Variants in CHST3 observed in about 807,000 individuals in gnomAD.
CHST3 encodes the protein carbohydrate sulfotransferase 3, also known as C6ST-1.
CHST3 carries 20 observed loss-of-function variants against 35.4 expected under a neutral mutation model. The observed-to-expected ratio is 0.57, with a 90% CI of 0.40 to 0.82. The LOEUF (loss-of-function observed/expected upper bound fraction) is 0.82. Ranked by LOEUF, CHST3 falls within the 40% of genes least tolerant of loss-of-function variation. CHST3 has a pLI of 0.00. For missense variants in CHST3, 693 were observed against 670.1 expected (o/e 1.03, Z -0.38); for synonymous variants, 334 against 295.9 (o/e 1.13, Z -1.32).
At chr10:71,965,596 G>A (rs1839624911) in intron 1 of CHST3, among the ~76,000 whole-genome samples, 3 of 152,224 alleles carry the variant, frequency 2.0e-5, no homozygotes, top group Admixed American at 1.3e-4. Context: ...TGCACCTGAA[G>A]TTGTGTTTGG....
chr10:72,005,785 C>T lies in CHST3; in HGVS notation c.-58C>T, dbSNP rs898466944. On this transcript the variant is annotated 5_prime_UTR_variant, in exon 2 of 3. Transcript: ENST00000373115. ...ACGGCAAGCTGGGTCCTGAGTGATG[C>T]CCCTCAGCTGAGTGTCCAAGGCTGG... is the stretch of plus-strand genomic sequence containing the variant. 3.0e-5 allele frequency: 48 copies of T among 1,609,410 alleles called. No homozygotes were observed. Among genetic ancestry groups the T allele is most frequent in the Non-Finnish European group, 3.8e-5 (45 of 1,176,484 alleles).
At chr10:71,969,099 G>T (rs1839662369) in intron 1 of CHST3, among the ~76,000 whole-genome samples, 1 of 152,168 alleles carries the variant, frequency 6.6e-6, no homozygotes, top group South Asian at 2.1e-4. Context: ...CCTGCCACGT[G>T]TTCTGGAGAG....
intron 1 of CHST3, among the ~76,000 whole-genome samples, chr10:71,970,189 G>A (rs1184608616): frequency 2.0e-5 from 3 of 152,082 alleles, no homozygotes; most frequent in Admixed American, 2.0e-4. Flanking sequence ...GGTGGGCCCC[G>A]GGAGCCCCTG....
chr10:72,005,712 T>A, intron 1 of CHST3, 24 bp from the exon 2 acceptor site: 1 of 1,128,050 alleles, frequency 8.9e-7, no homozygotes. Flanking sequence ...GACAAGGGTG[T>A]TCTGACCACC....
intron 1 of CHST3, among the ~76,000 whole-genome samples, chr10:71,997,879 G>C (rs571240521): frequency 1.3e-5 from 2 of 152,164 alleles, no homozygotes; most frequent in South Asian, 4.2e-4. Context: ...TGTTGGCCAG[G>C]CTGGTCTTGA....
intron 1 of CHST3, among the ~76,000 whole-genome samples, chr10:71,967,723 AC>A (rs1839645520): frequency 6.6e-6 from 1 of 152,190 alleles, no homozygotes; most frequent in Non-Finnish European, 1.5e-5. Context: ...TGGTAATCCT[AC>A]TTTGAGTTCT....
intron 1 of CHST3, among the ~76,000 whole-genome samples, chr10:71,986,121 G>A (rs1839845133): frequency 6.6e-6 from 1 of 152,184 alleles, no homozygotes; most frequent in African/African-American, 2.4e-5. Context: ...TCCCTCCCTG[G>A]TTAGCAAGAG....
intron 1 of CHST3, among the ~76,000 whole-genome samples, chr10:71,986,837 C>T (rs941489401): frequency 2.6e-4 from 40 of 152,236 alleles, no homozygotes; most frequent in African/African-American, 6.8e-4. Context: ...TAGACGGGCT[C>T]TGGCTGACAT....
Position 72,008,218 on chromosome 10 carries a change from A to G in CHST3, c.1187A>G (p.Gln396Arg), listed in dbSNP as rs905033055. The change falls in exon 3 of 3, where the codon CAG becomes CGG. Residue 396 changes from glutamine (Q) to arginine (R), a missense_variant. Coordinates refer to ENST00000373115, the MANE Select transcript of CHST3 (RefSeq NM_004273.5). ...TTCGCCGGCATCCCCCTGACCCCGC[A>G]GGTGGAAGACTGGATCCAAAAGAAC... ...YRFAGIPLTPQVEDWIQKNTQ... is the reference protein window; with the variant it reads ...YRFAGIPLTPRVEDWIQKNTQ... The G allele has an allele frequency of 3.2e-6, 5 of 1,556,116 alleles. No individual in the cohort carries two copies. The Admixed American group carries it at 7.7e-5, about 24-fold the overall frequency.
At chr10:71,998,984 C>G (rs1839967021) in intron 1 of CHST3, among the ~76,000 whole-genome samples, 1 of 152,168 alleles carries the variant, frequency 6.6e-6, no homozygotes, top group Admixed American at 6.5e-5. Flanking sequence ...TTCTTTTGCT[C>G]ACTGACTCAT....
rs1156542235 is a variant in CHST3 at position 72,008,995 on chromosome 10, C to T, written c.*524C>T. 1 of 155,882 alleles carries T rather than the reference C, an allele frequency of 6.4e-6. No individual in the cohort carries two copies. Among genetic ancestry groups the T allele is most frequent in the African/African-American group, 2.4e-5 (1 of 41,546 alleles). The allele number at this position is 155,882 out of a possible 1,614,324, so 9.7% of individuals were successfully genotyped here. A position where few individuals can be genotyped will look rare whatever the true frequency, so the allele number is the denominator to read the frequency against. ...CGTTTGAGGTGACAGTGGCTGTTTA[C>T]CAACTAGTACAGAGCGATTCAGCGT... is the stretch of plus-strand genomic sequence containing the variant. On this transcript the variant is annotated 3_prime_UTR_variant, in exon 3 of 3. Coordinates refer to ENST00000373115, the MANE Select transcript of CHST3 (RefSeq NM_004273.5).
At chr10:71,965,384 CAG>C (rs1253295215) in intron 1 of CHST3, among the ~76,000 whole-genome samples, 2 of 152,330 alleles carry the variant, frequency 1.3e-5, no homozygotes, top group East Asian at 3.9e-4. Flanking sequence ...CTGCGCTAGA[CAG>C]AAGGGTAGTG....
At chr10:72,003,487 G>A (rs573567009) in intron 1 of CHST3, among the ~76,000 whole-genome samples, 1 of 152,218 alleles carries the variant, frequency 6.6e-6, no homozygotes, top group South Asian at 2.1e-4. Context: ...ATCACCTGAG[G>A]TCAGGAGTTC....
intron 1 of CHST3, among the ~76,000 whole-genome samples, chr10:71,985,615 A>G (rs185047389): frequency 6.6e-6 from 1 of 152,280 alleles, no homozygotes; most frequent in East Asian, 1.9e-4. Context: ...TCCAACTTGC[A>G]AAGATCTCTT....
chr10:72,000,184 A>T (rs895118637), intron 1 of CHST3, among the ~76,000 whole-genome samples: 1 of 152,208 alleles, frequency 6.6e-6, no homozygotes, highest in Admixed American at 6.5e-5. Flanking sequence ...ACGATTAAGC[A>T]TCTTGCAGTA....
intron 1 of CHST3, among the ~76,000 whole-genome samples, chr10:71,993,283 A>C (rs1839914162): frequency 6.6e-6 from 1 of 152,228 alleles, no homozygotes; most frequent in Non-Finnish European, 1.5e-5. Flanking sequence ...TGACTCATAC[A>C]TAAGAAGCAA....
chr10:71,979,599 C>T (rs1337018347), intron 1 of CHST3, among the ~76,000 whole-genome samples: 2 of 152,144 alleles, frequency 1.3e-5, no homozygotes, highest in African/African-American at 4.8e-5. Flanking sequence ...GCCACCCTCC[C>T]TTCCGGTACC....
chr10:71,982,674 G>A (rs1029495020), intron 1 of CHST3, among the ~76,000 whole-genome samples: 7 of 152,122 alleles, frequency 4.6e-5, no homozygotes, highest in South Asian at 2.1e-4. Flanking sequence ...TCTTGAACCC[G>A]AGAGATTGAG....
At chr10:71,964,987 C>T (rs1051159696) in intron 1 of CHST3, among the ~76,000 whole-genome samples, 1 of 152,246 alleles carries the variant, frequency 6.6e-6, no homozygotes, top group Non-Finnish European at 1.5e-5. Flanking sequence ...ATGCCACACA[C>T]CGAAATGCAC....
Sources: allele counts gnomAD v4.1 joint callset (sites outside exome capture counted in the v4.1 genomes callset), GRCh38; gene constraint gnomAD v4.1.1; transcripts MANE v1.5; gene names NCBI Gene and HGNC (gene_info 2026-07-23, HGNC 2026-07-21).